The following EZH2 variants were observed in gnomAD, a reference collection of about 807,000 sequenced individuals.
EZH2 encodes the protein enhancer of zeste 2 polycomb repressive complex 2 subunit, also known as histone-lysine N-methyltransferase EZH2.
In EZH2, 18 loss-of-function variants were observed where a neutral mutation model predicts 98.4. That is an observed-to-expected ratio of 0.18 (90% CI 0.13 to 0.27). EZH2 has a LOEUF of 0.27. Among genes scored for constraint, EZH2 ranks in the 10% least tolerant of loss-of-function variants. The probability of loss-of-function intolerance (pLI) is 1.00; values close to 1 mark genes in which losing one functional copy is unlikely to be tolerated. For missense variants in EZH2, 470 were observed against 935.1 expected, an observed-to-expected ratio of 0.50 and a Z score of 6.49; for synonymous variants, 338 against 312.3, an observed-to-expected ratio of 1.08 and a Z score of -0.87.
intron 15 of EZH2, among the ~76,000 whole-genome samples, chr7:148,813,186 CACTT>C (rs1803623299): frequency 2.0e-5 from 3 of 152,090 alleles, no homozygotes; most frequent in South Asian, 4.1e-4. Context: ...TGGGGGTTAA[CACTT>C]ACTCCTCACT....
intron 17 of EZH2, among the ~76,000 whole-genome samples, chr7:148,809,608 A>G (rs185804206): frequency 2.0e-5 from 3 of 151,942 alleles, no homozygotes; most frequent in Middle Eastern, 3.2e-3. Flanking sequence ...TGGTTATCTG[A>G]CTCAAAAGCT....
intron 8 of EZH2, among the ~76,000 whole-genome samples, chr7:148,826,187 G>A (rs533869338): frequency 6.6e-6 from 1 of 151,362 alleles, no homozygotes; most frequent in South Asian, 2.1e-4. Flanking sequence ...TAAAACAACT[G>A]CTTAGTTAGC....
At chr7:148,844,269 T>C (rs1813384171) in intron 3 of EZH2, among the ~76,000 whole-genome samples, 1 of 152,232 alleles carries the variant, frequency 6.6e-6, no homozygotes, top group Admixed American at 6.5e-5. Context: ...TATATTCTCA[T>C]CTGAAAAGTC....
chr7:148,811,821 C>T, intron 15 of EZH2, 101 bp from the exon 16 acceptor site: 1 of 985,388 alleles, frequency 1.0e-6, no homozygotes, highest in Non-Finnish European at 1.5e-6. Flanking sequence ...CACTGTAAAT[C>T]CTCAGACCTG....
chr7:148,858,585 T>C (rs1817204322), intron 1 of EZH2, among the ~76,000 whole-genome samples: 1 of 152,162 alleles, frequency 6.6e-6, no homozygotes, highest in African/African-American at 2.4e-5. Flanking sequence ...AGTGCAGTGA[T>C]GCAATCCCAA....
At chr7:148,815,569 A>C in intron 12 of EZH2, 23 bp from the exon 13 acceptor site, 1 of 1,612,288 alleles carries the variant, frequency 6.2e-7, no homozygotes, top group Non-Finnish European at 8.5e-7. Context: ...AAAGAAAATT[A>C]AACCAAATTT....
chr7:148,855,627 C>A (rs1816691331), intron 1 of EZH2, among the ~76,000 whole-genome samples: 1 of 152,114 alleles, frequency 6.6e-6, no homozygotes, highest in African/African-American at 2.4e-5. Context: ...CAGGTGGGCG[C>A]TGTGGCTCCC....
At chr7:148,809,893 A>G (rs1190374494) in intron 17 of EZH2, among the ~76,000 whole-genome samples, 1 of 152,234 alleles carries the variant, frequency 6.6e-6, no homozygotes, top group Non-Finnish European at 1.5e-5. Context: ...ACCCCAGAAC[A>G]TCAGCTATGA....
At chr7:148,849,225 G>C (rs1261075327) in intron 1 of EZH2, among the ~76,000 whole-genome samples, 1 of 152,074 alleles carries the variant, frequency 6.6e-6, no homozygotes, top group African/African-American at 2.4e-5. Context: ...TTGGGAGAAA[G>C]AAAAGAATAT....
intron 1 of EZH2, among the ~76,000 whole-genome samples, chr7:148,882,359 C>T (rs561789846): frequency 6.6e-6 from 1 of 152,270 alleles, no homozygotes; most frequent in East Asian, 1.9e-4. Flanking sequence ...TCCACAAAAA[C>T]GAGAATTTAA....
At chr7:148,837,893 A>C (rs1041044971) in intron 3 of EZH2, among the ~76,000 whole-genome samples, 1 of 152,234 alleles carries the variant, frequency 6.6e-6, no homozygotes, top group African/African-American at 2.4e-5. Context: ...TATTTGTTAC[A>C]GACCAATTCC....
intron 1 of EZH2, among the ~76,000 whole-genome samples, chr7:148,875,279 C>G (rs1371110116): frequency 6.6e-6 from 1 of 152,086 alleles, no homozygotes; most frequent in Non-Finnish European, 1.5e-5. Flanking sequence ...ATTATGCTTC[C>G]CATATTAAAG....
At chr7:148,816,663 G>A in intron 12 of EZH2, 21 bp downstream of exon 12, 1 of 1,586,654 alleles carries the variant, frequency 6.3e-7, no homozygotes, top group South Asian at 1.1e-5. Flanking sequence ...ACTTCTCTAA[G>A]GAGCTTCATG....
At chr7:148,851,971 T>C (rs1007338364) in intron 1 of EZH2, among the ~76,000 whole-genome samples, 10 of 152,256 alleles carry the variant, frequency 6.6e-5, no homozygotes, top group Non-Finnish European at 1.2e-4. Flanking sequence ...TAAATACATA[T>C]GGTTTTTAAA....
rs1821469268 is a variant in EZH2, at chr7:148,884,161, T to C, written c.-8+3A>G. On this transcript the variant is annotated splice_donor_region_variant and intron_variant, in intron 1 of 19. Transcript: ENST00000320356. ...GGCCGGGCCGCCCGCAGCGGCGCGT[T>C]ACCTTCGTCCCGCGCGCCGACTCGC... 6.4e-6 allele frequency: 1 copy of C among 155,430 alleles called. No homozygotes were observed. The highest frequency in any genetic ancestry group is 2.5e-5 in the African/African-American group (1 of 40,786). 9.6% of individuals were successfully genotyped at this position (155,430 alleles called of 1,614,324 possible). A position where few individuals can be genotyped will look rare whatever the true frequency, so the allele number is the denominator to read the frequency against.
intron 12 of EZH2, among the ~76,000 whole-genome samples, chr7:148,815,993 C>A (rs1435286866): frequency 1.3e-5 from 2 of 152,186 alleles, no homozygotes; most frequent in Non-Finnish European, 2.9e-5. Flanking sequence ...TAAAAAAATT[C>A]TAAATTGGGT....
Position 148,854,751 on chromosome 7 carries a change from G to A in EZH2, c.-7-7446C>T, listed in dbSNP as rs1816520827. On this transcript the variant is annotated intron_variant, in intron 1 of 19. Transcript: ENST00000320356. ...AATTGCCAATTTTGATAACTCTCCA[G>A]TCTTCAATAGTGCCTGTTTGTATGT... Among the ~76,000 whole-genome samples, 8 of 152,144 alleles carry A rather than the reference G, an allele frequency of 5.3e-5. No individual in the cohort carries two copies. The South Asian group carries it at 1.7e-3, about 31-fold the overall frequency.
intron 3 of EZH2, chr7:148,836,707 G>A (rs1585078040): frequency 2.6e-6 from 1 of 386,310 alleles, no homozygotes; most frequent in African/African-American, 2.1e-5. Context: ...ATCATCAATG[G>A]TTTAAAAAAA....
intron 3 of EZH2, among the ~76,000 whole-genome samples, chr7:148,840,507 C>T (rs1812146031): frequency 6.6e-6 from 1 of 152,116 alleles, no homozygotes; most frequent in South Asian, 2.1e-4. Context: ...ACTACAGGGA[C>T]TTTTGCTTTC....
Sources: gnomAD v4.1 joint callset for allele counts (sites outside exome capture counted in the v4.1 genomes callset) on GRCh38, gnomAD v4.1.1 for gene constraint, MANE v1.5 for transcripts, NCBI Gene and HGNC (gene_info 2026-07-23, HGNC 2026-07-21) for gene names.